PTGR2: variants seen among roughly 807,000 people sequenced by gnomAD.
PTGR2 encodes the protein prostaglandin reductase 2, also known as 15-oxoprostaglandin 13-reductase.
In PTGR2, 32 loss-of-function variants were observed where a neutral mutation model predicts 43.4. That is an observed-to-expected ratio of 0.74 (90% CI 0.56 to 0.99). PTGR2 has a LOEUF of 0.99. Among genes scored for constraint, PTGR2 ranks in the 50% least tolerant of loss-of-function variants. The pLI is 0.00. For missense variants in PTGR2, 373 were observed against 420.0 expected (o/e 0.89, Z 0.98); for synonymous variants, 106 against 139.2 (o/e 0.76, Z 1.68).
Position 73,874,188 on chromosome 14 carries a change from A to G in PTGR2, c.322A>G (p.Ile108Val). The change falls in exon 4 of 10, where the codon ATT becomes GTT. Residue 108 changes from isoleucine (I) to valine (V), a missense_variant. By Grantham distance (29) the Ile-to-Val change is conservative. Transcript: ENST00000555661. ...SFYWPWQTKV[I>V]LDGNSLEKVD... ...CTATTGGCCCTGGCAAACCAAGGTT[A>G]TTCTGGATGGAAATAGCCTTGAAAA... is the stretch of plus-strand genomic sequence containing the variant. 2 of 1,613,614 alleles carry G rather than the reference A, an allele frequency of 1.2e-6. No individual in the cohort carries two copies. The highest frequency in any genetic ancestry group is 8.5e-7 in the Non-Finnish European group (1 of 1,179,826).
At chr14:73,876,243 A>G (rs1859731505) in intron 4 of PTGR2, among the ~76,000 whole-genome samples, 1 of 152,198 alleles carries the variant, frequency 6.6e-6, no homozygotes, top group South Asian at 2.1e-4. Context: ...TATTTATTAT[A>G]CTGATGGACT....
In PTGR2 at chr14:73,880,105, C is replaced by T. The variant is rs2054947167; in HGVS notation, c.780C>T (p.Asn260=). 1 of 1,613,752 alleles carries T rather than the reference C, an allele frequency of 6.2e-7. No individual in the cohort carries two copies. Among genetic ancestry groups the T allele is most frequent in the South Asian group, 1.1e-5 (1 of 91,072 alleles). Reference sequence around the variant, plus strand: ...TGTGTGGTCAAATTTCTCAGTACAACAAAGATGTGCCTTATCCTCCCCCGC... The same window carrying T: ...TGTGTGGTCAAATTTCTCAGTACAATAAAGATGTGCCTTATCCTCCCCCGC... The part of the protein sequence containing the change: ...IILCGQISQY[N]KDVPYPPPLS... The change falls in exon 7 of 10, where the codon AAC becomes AAT. Residue 260 remains asparagine, a synonymous_variant. Transcript: ENST00000555661.
At chr14:73,876,298 T>A (rs1185860891) in intron 4 of PTGR2, among the ~76,000 whole-genome samples, 1 of 152,048 alleles carries the variant, frequency 6.6e-6, no homozygotes, top group Non-Finnish European at 1.5e-5. Flanking sequence ...ACAACAGAAA[T>A]TTATTTTCTC....
intron 4 of PTGR2, among the ~76,000 whole-genome samples, chr14:73,875,970 C>T (rs1055338704): frequency 4.0e-5 from 6 of 151,716 alleles, no homozygotes; most frequent in Admixed American, 3.3e-4. Context: ...TGGGCACCCA[C>T]CACCACACCT....
intron 3 of PTGR2, among the ~76,000 whole-genome samples, chr14:73,869,729 TA>T (rs1320684867): frequency 6.6e-6 from 1 of 151,484 alleles, no homozygotes; most frequent in Non-Finnish European, 1.5e-5. Context: ...CTCATTCCTT[TA>T]AAAAAAATAA....
chr14:73,882,331 G>C, intron 8 of PTGR2, 68 bp from the exon 9 acceptor site: 1 of 976,220 alleles, frequency 1.0e-6, no homozygotes, highest in South Asian at 1.4e-5. Context: ...GCTTTTGTAA[G>C]TATGGAAACT....
intron 1 of PTGR2, among the ~76,000 whole-genome samples, chr14:73,857,240 T>G (rs573211182): frequency 3.3e-4 from 49 of 149,250 alleles, no homozygotes; most frequent in East Asian, 3.1e-3. Flanking sequence ...GAATTTCCGT[T>G]TTTTTTTTTT....
In PTGR2 at chr14:73,883,315, T is replaced by C. The variant is rs2055045594; in HGVS notation, c.980-786T>C. 2.1e-5 allele frequency among the ~76,000 whole-genome samples: 3 copies of C among 146,138 alleles called. No homozygotes were observed. In the Admixed American group the frequency reaches 2.1e-4, roughly 10 times the overall value. On this transcript the variant is annotated intron_variant, in intron 9 of 9. Coordinates refer to ENST00000555661, the MANE Select transcript of PTGR2 (RefSeq NM_001146154.2). ...GAACCCATGGGCTCAAGCAATCCTC[T>C]CACCAGAGTAGCTGGTACTACAATT...
chr14:73,879,178 G>C lies in PTGR2; in HGVS notation c.602G>C (p.Gly201Ala), dbSNP rs761992798. The change falls in exon 6 of 10, where the codon GGC becomes GCC. Residue 201 changes from glycine (G) to alanine (A), a missense_variant. By Grantham distance (60) the Gly-to-Ala change is moderately conservative. Coordinates refer to ENST00000555661, the MANE Select transcript of PTGR2 (RefSeq NM_001146154.2). ...TGCATCCTCTTGACCTCAGAACTGG[G>C]CTTTGATGCTGCAATTAATTATAAA... Reference protein sequence around the residue: ...EKCILLTSELGFDAAINYKKD... With the variant: ...EKCILLTSELAFDAAINYKKD... 8 of 1,613,912 alleles carry C rather than the reference G, an allele frequency of 5.0e-6. No homozygotes were observed. In the African/African-American group the frequency reaches 1.1e-4, roughly 22 times the overall value.
chr14:73,880,603 A>C (rs778728478), intron 7 of PTGR2, among the ~76,000 whole-genome samples: 51 of 151,428 alleles, frequency 3.4e-4, no homozygotes, highest in Non-Finnish European at 5.3e-4. Flanking sequence ...AAAAAAAACA[A>C]AAAAAAACCT....
At chr14:73,855,354 G>A (rs779962207) in intron 1 of PTGR2, among the ~76,000 whole-genome samples, 2 of 152,086 alleles carry the variant, frequency 1.3e-5, no homozygotes, top group Admixed American at 6.6e-5. Context: ...AATGACAGAC[G>A]ATGAGCCTCC....
chr14:73,868,338 A>G (rs1252536608), intron 3 of PTGR2, among the ~76,000 whole-genome samples: 10 of 151,922 alleles, frequency 6.6e-5, no homozygotes, highest in Admixed American at 6.6e-4. Context: ...GTCCAGGCTC[A>G]GAGAAGCCTG....
intron 3 of PTGR2, among the ~76,000 whole-genome samples, chr14:73,870,152 G>A (rs536814717): frequency 7.9e-5 from 12 of 151,196 alleles, no homozygotes; most frequent in African/African-American, 2.4e-4. Context: ...GGGCAGCAAC[G>A]CAAGACCCCA....
At chr14:73,876,635 C>CTTGCTAATT (rs2054872750) in intron 4 of PTGR2, among the ~76,000 whole-genome samples, 1 of 151,964 alleles carries the variant, frequency 6.6e-6, no homozygotes, top group Admixed American at 6.6e-5. Flanking sequence ...GCCACCATGC[C>CTTGCTAATT]TTGCTAATTT....
intron 3 of PTGR2, among the ~76,000 whole-genome samples, chr14:73,868,799 A>AG: frequency 6.8e-6 from 1 of 147,376 alleles, no homozygotes; most frequent in South Asian, 2.2e-4. Context: ...AAAAAAAAAA[A>AG]GAAGACTCTG....
intron 9 of PTGR2, among the ~76,000 whole-genome samples, chr14:73,883,188 CTTTTTTT>C (rs58234739): frequency 5.5e-4 from 32 of 58,146 alleles, no homozygotes; most frequent in African/African-American, 2.2e-3. Context: ...CCTCACCTCC[CTTTTTTT>C]TTTTTTTTTT....
At chr14:73,871,460 A>G (rs559103050) in intron 3 of PTGR2, among the ~76,000 whole-genome samples, 132 of 151,236 alleles carry the variant, frequency 8.7e-4, no homozygotes, top group African/African-American at 3.0e-3. Flanking sequence ...TATAATAAAC[A>G]GTAAATGTGA....
intron 1 of PTGR2, 156 bp from the exon 2 acceptor site, chr14:73,858,660 G>T: frequency 2.5e-6 from 1 of 407,016 alleles, no homozygotes; most frequent in Non-Finnish European, 4.5e-6. Flanking sequence ...TCATATATTT[G>T]CTTTAGGAGG....
intron 1 of PTGR2, among the ~76,000 whole-genome samples, chr14:73,853,519 C>T (rs2054278410): frequency 6.6e-6 from 1 of 151,808 alleles, no homozygotes; most frequent in South Asian, 2.1e-4. Flanking sequence ...GGTGGGGTTT[C>T]GCCGTTTTGT....
Sources: allele counts gnomAD v4.1 joint callset (sites outside exome capture counted in the v4.1 genomes callset), GRCh38; gene constraint gnomAD v4.1.1; transcripts MANE v1.5; gene names NCBI Gene and HGNC (gene_info 2026-07-23, HGNC 2026-07-21).